KDM4B: variants seen among roughly 807,000 people sequenced by gnomAD.
KDM4B encodes lysine-specific demethylase 4B.
KDM4B carries 32 observed loss-of-function variants against 125.2 expected under a neutral mutation model. The ratio of observed to expected loss-of-function variants is 0.26; its 90% CI spans 0.19 to 0.34. The LOEUF (loss-of-function observed/expected upper bound fraction) is 0.34, where lower values mean the gene tolerates loss of function less well. KDM4B is among the 10% of genes least tolerant of loss of function. The probability of loss-of-function intolerance (pLI) is 1.00; values close to 1 mark genes in which losing one functional copy is unlikely to be tolerated. For synonymous variants in KDM4B, 721 were observed against 677.9 expected (o/e 1.06, Z -0.99); for missense variants, 1,190 against 1,577.7 (o/e 0.75, Z 4.16).
Position 5,114,424 on chromosome 19 carries a change from C to T in KDM4B, c.1115+3606C>T, listed in dbSNP as rs1274867655. On this transcript the variant is annotated intron_variant, in intron 10 of 22. Coordinates refer to ENST00000159111, the MANE Select transcript of KDM4B (RefSeq NM_015015.3). The surrounding 1 kb of genome is among the most constrained non-coding windows in gnomAD (Gnocchi z 5.8). The stretch of plus-strand genomic sequence containing the variant: ...GCCACGCCTCTGGCCCCGACTCCTG[C>T]CAGGGCTGCCACGGCTGCCACACCC... 4.7e-6 allele frequency: 2 copies of T among 421,500 alleles called. No individual in the cohort carries two copies. Among genetic ancestry groups the T allele is most frequent in the East Asian group, 7.2e-5 (1 of 13,924 alleles). The allele number at this position is 421,500 out of a possible 1,614,324, so 26.1% of individuals were successfully genotyped here.
intron 9 of KDM4B, among the ~76,000 whole-genome samples, chr19:5,091,992 G>T (rs555944297): frequency 2.6e-5 from 4 of 152,340 alleles, no homozygotes; most frequent in East Asian, 3.9e-4. Context: ...GGCCTTTGGG[G>T]CCCCTTCCCA....
At chr19:5,125,967 G>A (rs2039442725) in intron 11 of KDM4B, among the ~76,000 whole-genome samples, 1 of 152,226 alleles carries the variant, frequency 6.6e-6, no homozygotes, top group South Asian at 2.1e-4. Context: ...TCAGGGGCAC[G>A]ACAGGAAATG....
rs145257293 is a variant in KDM4B, at chr19:5,144,356, G to A, written c.2845G>A (p.Glu949Lys). Residue 949 changes from glutamate to lysine, a missense_variant, in exon 20 of 23, where the codon GAA becomes AAA. Around this residue, in one of 7 missense-constraint regions of KDM4B, gnomAD observed 298 missense variants for 439.7 expected, o/e 0.68. Transcript: ENST00000159111. Reference sequence around the variant, plus strand: ...CGGTGCCGCCTCGCAGACCTGCTACGAAGTGAACTTCGACGATGGCTCCTA... The same window carrying A: ...CGGTGCCGCCTCGCAGACCTGCTACAAAGTGAACTTCGACGATGGCTCCTA... ...VIGAASQTCY[E>K]VNFDDGSYSD... is the part of the protein sequence containing the mutation. The A allele has an allele frequency of 1.7e-5, 26 of 1,508,610 alleles. No individual in the cohort carries two copies. Among genetic ancestry groups the A allele is most frequent in the Admixed American group, 1.6e-4 (8 of 49,552 alleles). The allele number at this position is 1,508,610 out of a possible 1,614,324, so 93.5% of individuals were successfully genotyped here. A position where few individuals can be genotyped will look rare whatever the true frequency, so the allele number is the denominator to read the frequency against.
intron 9 of KDM4B, among the ~76,000 whole-genome samples, chr19:5,090,557 C>G (rs1175379017): frequency 2.0e-5 from 1 of 48,912 alleles, no homozygotes; most frequent in African/African-American, 8.6e-5. Context: ...CTCTCCCCTT[C>G]TCTTTCCCCC....
intron 9 of KDM4B, among the ~76,000 whole-genome samples, chr19:5,104,153 A>G (rs939545118): frequency 7.9e-5 from 12 of 151,986 alleles, no homozygotes; most frequent in African/African-American, 2.7e-4. Context: ...CCCGAGAAGC[A>G]GAGGAGCTCG....
In KDM4B at chr19:5,081,309, G is replaced by A. The variant is rs527312135; in HGVS notation, c.781-1058G>A. On this transcript the variant is annotated intron_variant, in intron 8 of 22. Transcript: ENST00000159111. The surrounding 1 kb of genome is among the most constrained non-coding windows in gnomAD (Gnocchi z 4.2). Reference sequence around the variant, plus strand: ...AGGTGGGAGCCATCACTCCAAATTTGTTGTTGATCTTTCTGGATGGTCGTC... The same window carrying A: ...AGGTGGGAGCCATCACTCCAAATTTATTGTTGATCTTTCTGGATGGTCGTC... Among the ~76,000 whole-genome samples, 1 of 152,302 alleles carries A rather than the reference G, an allele frequency of 6.6e-6. No individual in the cohort carries two copies. The highest frequency in any genetic ancestry group is 2.1e-4 in the South Asian group (1 of 4,814).
chr19:5,096,482 G>A (rs1028738781), intron 9 of KDM4B, among the ~76,000 whole-genome samples: 1 of 152,294 alleles, frequency 6.6e-6, no homozygotes, highest in Admixed American at 6.5e-5. Context: ...GGTCTCCACG[G>A]GCTTGGGCAA....
In KDM4B at chr19:5,114,336, CG is replaced by C. The variant is rs1568306194; in HGVS notation, c.1115+3520del. The C allele has an allele frequency of 1.2e-6, 1 of 839,674 alleles. No homozygotes were observed. The highest frequency in any genetic ancestry group is 1.7e-6 in the Non-Finnish European group (1 of 577,754). 52.0% of individuals were successfully genotyped at this position (839,674 alleles called of 1,614,324 possible). ...CTCGTCTCCCCTACCCCTCCGAGCT[CG>C]GTGCTGCCTGTCCCCTCCTGCTCTG... On this transcript the variant is annotated intron_variant, in intron 10 of 22. Coordinates refer to ENST00000159111, the MANE Select transcript of KDM4B (RefSeq NM_015015.3). This position sits in a 1 kb window ranked among gnomAD's most constrained non-coding sequence, Gnocchi z 5.8.
At chr19:5,040,495 A>G (rs2036775640) in intron 4 of KDM4B, among the ~76,000 whole-genome samples, 1 of 152,152 alleles carries the variant, frequency 6.6e-6, no homozygotes. Flanking sequence ...ACACAGGGAC[A>G]CACAGGCTCA....
intron 9 of KDM4B, among the ~76,000 whole-genome samples, chr19:5,083,370 G>C (rs1403939623): frequency 6.6e-6 from 1 of 152,204 alleles, no homozygotes; most frequent in Non-Finnish European, 1.5e-5. Context: ...TCCCAGTGAC[G>C]GGGACGTGGA....
rs968529384 is a variant in KDM4B at position 5,131,167 on chromosome 19, G to A, written c.1407G>A (p.Pro469=). The A allele has an allele frequency of 1.1e-5, 17 of 1,587,392 alleles. No homozygotes were observed. The highest frequency in any genetic ancestry group is 9.0e-5 in the East Asian group (4 of 44,408). The change falls in exon 12 of 23, where the codon CCG becomes CCA. Residue 469 remains proline, a synonymous_variant. Transcript: ENST00000159111. ...FGLLPPQLPP[P]PAHFPSEEAL... ...TGCTGCCCCCACAGCTGCCGCCCCC[G>A]CCTGCTCACTTCCCCTCAGAGGAGG...
At chr19:5,042,107 C>G (rs138396326) in intron 5 of KDM4B, among the ~76,000 whole-genome samples, 1 of 152,200 alleles carries the variant, frequency 6.6e-6, no homozygotes, top group Non-Finnish European at 1.5e-5. Context: ...CAGAGTATTT[C>G]GAATTTGAGA....
At chr19:5,041,397 G>T in intron 5 of KDM4B, 146 bp downstream of exon 5, 1 of 582,176 alleles carries the variant, frequency 1.7e-6, no homozygotes, top group South Asian at 1.9e-5. Context: ...TGCGGGCCTC[G>T]CCCTGTGGTG....
At chr19:5,135,053 C>T (rs1388172005) in intron 14 of KDM4B, among the ~76,000 whole-genome samples, 3 of 152,184 alleles carry the variant, frequency 2.0e-5, no homozygotes, top group African/African-American at 7.2e-5. Flanking sequence ...CCAGGGGCCA[C>T]CCAGCACCAG....
In KDM4B at chr19:5,151,957, A is replaced by G. The variant is rs1271386232; in HGVS notation, c.*446A>G. The G allele has an allele frequency of 2.6e-5, 4 of 156,836 alleles. No homozygotes were observed. The highest frequency in any genetic ancestry group is 4.2e-5 in the Non-Finnish European group (3 of 71,364). 9.7% of individuals were successfully genotyped at this position (156,836 alleles called of 1,614,324 possible). On this transcript the variant is annotated 3_prime_UTR_variant, in exon 23 of 23. Transcript: ENST00000159111. ...TTTTCTAGATTTGTGGCTTTAAGAA[A>G]AACAAAACAAAACAAACACATTGTT...
In KDM4B at chr19:5,035,824, G is replaced by A. The variant is rs1277716424; in HGVS notation, c.141+2793G>A. On this transcript the variant is annotated intron_variant, in intron 3 of 22. Coordinates refer to ENST00000159111, the MANE Select transcript of KDM4B (RefSeq NM_015015.3). The surrounding 1 kb of genome is among the most constrained non-coding windows in gnomAD (Gnocchi z 5.3). Reference sequence around the variant, plus strand: ...GGGGCTGGGCAGTAGGGGGCCGTCCGGGTCCCATGCTGTGGAGGGGCTGTG... The same window carrying A: ...GGGGCTGGGCAGTAGGGGGCCGTCCAGGTCCCATGCTGTGGAGGGGCTGTG... Among the ~76,000 whole-genome samples, 3 of 151,734 alleles carry A rather than the reference G, an allele frequency of 2.0e-5. No homozygotes were observed. Among genetic ancestry groups the A allele is most frequent in the African/African-American group, 7.3e-5 (3 of 41,126 alleles).
At chr19:5,149,612 G>A (rs62113181) in intron 21 of KDM4B, among the ~76,000 whole-genome samples, 2,022 of 152,324 alleles carry the variant, frequency 0.013, 21 homozygotes, top group Non-Finnish European at 0.019. Context: ...GTTATGAGGT[G>A]GGCCTGGAGA....
chr19:5,131,351 G>A lies in KDM4B; in HGVS notation c.1591G>A (p.Val531Met), dbSNP rs139154297. 15 of 1,612,162 alleles carry A rather than the reference G, an allele frequency of 9.3e-6. No homozygotes were observed. The highest frequency in any genetic ancestry group is 2.7e-5 in the African/African-American group (2 of 74,880). The change falls in exon 12 of 23, where the codon GTG becomes ATG. Residue 531 changes from valine (V) to methionine (M), a missense_variant. Coordinates refer to ENST00000159111, the MANE Select transcript of KDM4B (RefSeq NM_015015.3). ...KPRPIIPMLY[V>M]VPRPGKAAFN... ...TCGGCCCATCATCCCCATGCTGTAC[G>A]TGGTGCCGCGGCCGGGCAAGGCAGC...
chr19:5,102,383 G>T (rs982762136), intron 9 of KDM4B, among the ~76,000 whole-genome samples: 5 of 152,196 alleles, frequency 3.3e-5, no homozygotes, highest in Non-Finnish European at 7.3e-5. Flanking sequence ...GAGGGATGTG[G>T]TGTTGCCTGG....
Sources: allele counts gnomAD v4.1 joint callset (sites outside exome capture counted in the v4.1 genomes callset), GRCh38; gene constraint gnomAD v4.1.1; regional missense constraint gnomAD v4.1.1; non-coding constraint Gnocchi (gnomAD v3.1); transcripts MANE v1.5; gene names NCBI Gene and HGNC (gene_info 2026-07-23, HGNC 2026-07-21).